MIS18A: variants seen among roughly 807,000 people sequenced by gnomAD.
MIS18A encodes the protein MIS18 kinetochore protein A.
MIS18A carries 14 observed loss-of-function variants against 25.0 expected under a neutral mutation model. That is an observed-to-expected ratio of 0.56 (90% CI 0.37 to 0.88). The LOEUF (loss-of-function observed/expected upper bound fraction) is 0.88, where lower values mean the gene tolerates loss of function less well. Among genes scored for constraint, MIS18A ranks in the 40% least tolerant of loss-of-function variants. The pLI is 0.00. For missense variants in MIS18A, 292 were observed against 290.8 expected (o/e 1.00, Z -0.03); for synonymous variants, 134 against 118.6 (o/e 1.13, Z -0.84).
the MIS18A span, among the ~76,000 whole-genome samples, chr21:32,175,122 C>T: frequency 1.3e-5 from 2 of 152,142 alleles, no homozygotes; most frequent in South Asian, 4.1e-4. Context: ...GGCTACTAAC[C>T]TATATAGCAG....
chr21:32,186,462 C>A, the MIS18A span, among the ~76,000 whole-genome samples: 1 of 152,246 alleles, frequency 6.6e-6, no homozygotes, highest in Non-Finnish European at 1.5e-5. Context: ...TCAGGAAACA[C>A]TTGTTAGCTC....
chr21:32,252,239 AAGG>A, the MIS18A span, among the ~76,000 whole-genome samples: 2,497 of 56,786 alleles, frequency 0.044, 45 homozygotes, highest in South Asian at 0.064. Flanking sequence ...GAAGAAGAAG[AAGG>A]AGGAGGAGGA....
chr21:32,233,826 G>A, the MIS18A span, among the ~76,000 whole-genome samples: 1 of 152,108 alleles, frequency 6.6e-6, no homozygotes, highest in Admixed American at 6.5e-5. Context: ...GATCCAAGGA[G>A]GAAGACGCTG....
chr21:32,273,308 T>C (rs971971931), intron 2 of MIS18A, among the ~76,000 whole-genome samples: 2 of 152,048 alleles, frequency 1.3e-5, no homozygotes, highest in African/African-American at 4.8e-5. Flanking sequence ...ACACCATTGC[T>C]GATAATCTCT....
the MIS18A span, among the ~76,000 whole-genome samples, chr21:32,221,720 A>C: frequency 2.4e-5 from 3 of 122,662 alleles, no homozygotes; most frequent in Non-Finnish European, 5.2e-5. Context: ...TCTACGAATA[A>C]TACAAAAAAA....
the MIS18A span, among the ~76,000 whole-genome samples, chr21:32,193,489 T>C: frequency 1.9e-5 from 2 of 103,784 alleles, no homozygotes; most frequent in African/African-American, 8.6e-5. Context: ...GGTAGATAGA[T>C]AGATAGATAG....
intron 1 of MIS18A, among the ~76,000 whole-genome samples, chr21:32,276,003 A>G (rs2031801533): frequency 6.6e-6 from 1 of 152,184 alleles, no homozygotes; most frequent in South Asian, 2.1e-4. Flanking sequence ...CGTACTCACT[A>G]GAACAGATTA....
intron 2 of MIS18A, among the ~76,000 whole-genome samples, chr21:32,272,145 T>G (rs1351977514): frequency 6.6e-6 from 1 of 152,206 alleles, no homozygotes; most frequent in Admixed American, 6.5e-5. Flanking sequence ...ATTCACCCCT[T>G]TCATTGAACA....
At chr21:32,224,911 G>GTACT in the MIS18A span, among the ~76,000 whole-genome samples, 4 of 136,504 alleles carry the variant, frequency 2.9e-5, no homozygotes, top group Non-Finnish European at 6.3e-5. Flanking sequence ...AAACAGCATG[G>GTACT]TACTGGTACC....
At chr21:32,253,908 A>C in the MIS18A span, among the ~76,000 whole-genome samples, 1 of 152,200 alleles carries the variant, frequency 6.6e-6, no homozygotes, top group Non-Finnish European at 1.5e-5. Flanking sequence ...GTTTTTTTTA[A>C]ACAGCATTTT....
chr21:32,269,587 T>C, intron 4 of MIS18A, 120 bp downstream of exon 4: 1 of 610,952 alleles, frequency 1.6e-6, no homozygotes, highest in South Asian at 2.4e-5. Context: ...TGAAATGAAA[T>C]AAGCACACTC....
the MIS18A span, among the ~76,000 whole-genome samples, chr21:32,252,127 A>C: frequency 6.6e-6 from 1 of 152,050 alleles, no homozygotes; most frequent in Non-Finnish European, 1.5e-5. Flanking sequence ...TTGACACTGC[A>C]GTGAACTAAG....
the MIS18A span, among the ~76,000 whole-genome samples, chr21:32,246,919 A>G: frequency 3.6e-4 from 55 of 152,236 alleles, 2 homozygotes; most frequent in South Asian, 0.011. Context: ...ACTTTATTTT[A>G]TTTTATTGTC....
At chr21:32,207,099 A>G in the MIS18A span, among the ~76,000 whole-genome samples, 13 of 152,214 alleles carry the variant, frequency 8.5e-5, no homozygotes, top group Non-Finnish European at 1.3e-4. Flanking sequence ...CTGTAATGTA[A>G]TGACACATTT....
At chr21:32,169,543 T>C in the MIS18A span, among the ~76,000 whole-genome samples, 3 of 152,088 alleles carry the variant, frequency 2.0e-5, no homozygotes, top group Admixed American at 2.0e-4. Flanking sequence ...ATGGCTAGGA[T>C]TTCATGCATG....
chr21:32,250,998 T>G, the MIS18A span, among the ~76,000 whole-genome samples: 64 of 152,238 alleles, frequency 4.2e-4, no homozygotes, highest in African/African-American at 1.5e-3. Flanking sequence ...TCTCATGAGA[T>G]CTGATGGTTT....
intron 1 of MIS18A, among the ~76,000 whole-genome samples, chr21:32,275,297 G>C (rs1330946753): frequency 6.6e-6 from 1 of 152,132 alleles, no homozygotes; most frequent in Non-Finnish European, 1.5e-5. Context: ...TAATAGAATG[G>C]CTAAAATTAG....
At chr21:32,271,643 G>A (rs1015372938) in intron 2 of MIS18A, among the ~76,000 whole-genome samples, 4 of 152,004 alleles carry the variant, frequency 2.6e-5, no homozygotes, top group Admixed American at 6.6e-5. Context: ...AAATAGTCTC[G>A]CTATGTTGCC....
At chr21:32,187,973 C>T in the MIS18A span, among the ~76,000 whole-genome samples, 41 of 151,180 alleles carry the variant, frequency 2.7e-4, no homozygotes, top group Middle Eastern at 3.4e-3. Flanking sequence ...AGGGTCTTCA[C>T]AAGAAGAGAG....
Sources: allele counts gnomAD v4.1 joint callset (sites outside exome capture counted in the v4.1 genomes callset), GRCh38; gene constraint gnomAD v4.1.1; transcripts MANE v1.5; gene names NCBI Gene and HGNC (gene_info 2026-07-23, HGNC 2026-07-21).